The following KCNH8 variants were observed in gnomAD, a reference collection of about 807,000 sequenced individuals.
KCNH8 encodes the protein voltage-gated delayed rectifier potassium channel KCNH8.
A neutral mutation model predicts 103.6 loss-of-function variants in KCNH8; 70 were observed. That is an observed-to-expected ratio of 0.68 (90% CI 0.56 to 0.82). The LOEUF (loss-of-function observed/expected upper bound fraction) is 0.82, where lower values mean the gene tolerates loss of function less well. Among genes scored for constraint, KCNH8 ranks in the 40% least tolerant of loss-of-function variants. The pLI, the probability that KCNH8 is intolerant of heterozygous loss-of-function variation, is 0.00. For missense variants in KCNH8, 1,217 were observed against 1,329.9 expected (o/e 0.92, Z 1.32); for synonymous variants, 498 against 489.4 (o/e 1.02, Z -0.23).
intron 3 of KCNH8, among the ~76,000 whole-genome samples, chr3:19,317,579 A>T (rs553439219): frequency 1.3e-5 from 2 of 151,780 alleles, no homozygotes; most frequent in African/African-American, 4.8e-5. Context: ...GAGTATAACT[A>T]TAAGAATAGA....
At chr3:19,170,789 C>CACAT (rs1372730210) in intron 1 of KCNH8, among the ~76,000 whole-genome samples, 16 of 108,010 alleles carry the variant, frequency 1.5e-4, no homozygotes, top group East Asian at 9.3e-4. Context: ...CACACACACA[C>CACAT]ATATATATAT....
At chr3:19,356,324 C>G (rs1314239802) in intron 5 of KCNH8, among the ~76,000 whole-genome samples, 2 of 151,878 alleles carry the variant, frequency 1.3e-5, no homozygotes, top group Non-Finnish European at 2.9e-5. Flanking sequence ...CCTCAGAACT[C>G]ATTCTTCCCC....
intron 11 of KCNH8, among the ~76,000 whole-genome samples, chr3:19,504,368 A>C (rs1362750051): frequency 6.6e-6 from 1 of 152,238 alleles, no homozygotes; most frequent in Non-Finnish European, 1.5e-5. Context: ...AAGCTTCTGC[A>C]CAACAAAAGA....
At chr3:19,491,463 T>C (rs1292509142) in intron 11 of KCNH8, among the ~76,000 whole-genome samples, 1 of 152,238 alleles carries the variant, frequency 6.6e-6, no homozygotes, top group Non-Finnish European at 1.5e-5. Context: ...TTGCTGAGGA[T>C]TCTTGCCTCC....
chr3:19,484,083 A>G (rs140543887), intron 11 of KCNH8, among the ~76,000 whole-genome samples: 7,632 of 152,172 alleles, frequency 0.05, 555 homozygotes, highest in African/African-American at 0.16. Flanking sequence ...AAATTTCAAG[A>G]TTATGCATTT....
At chr3:19,326,899 A>G (rs1257802806) in intron 3 of KCNH8, among the ~76,000 whole-genome samples, 1 of 152,200 alleles carries the variant, frequency 6.6e-6, no homozygotes, top group Admixed American at 6.6e-5. Flanking sequence ...TGTAGCTGCT[A>G]TCAGCTTGGA....
intron 3 of KCNH8, among the ~76,000 whole-genome samples, chr3:19,310,431 A>G (rs912622277): frequency 6.6e-6 from 1 of 151,910 alleles, no homozygotes; most frequent in Admixed American, 6.6e-5. Context: ...AATCCTATCC[A>G]GGGACAGATA....
chr3:19,308,595 A>T (rs1463883551), intron 3 of KCNH8, among the ~76,000 whole-genome samples: 6 of 149,462 alleles, frequency 4.0e-5, no homozygotes, highest in South Asian at 2.1e-4. Context: ...AAGTTACCAA[A>T]TTTTTTTTTA....
intron 7 of KCNH8, among the ~76,000 whole-genome samples, chr3:19,421,426 T>G (rs1299062583): frequency 6.6e-6 from 1 of 152,162 alleles, no homozygotes; most frequent in Non-Finnish European, 1.5e-5. Context: ...GATAGCAACC[T>G]GTATGACTGT....
chr3:19,157,763 G>A (rs2063194956), intron 1 of KCNH8, among the ~76,000 whole-genome samples: 2 of 151,746 alleles, frequency 1.3e-5, no homozygotes, highest in South Asian at 4.1e-4. Flanking sequence ...GCTTTGTTGA[G>A]CATTACTTGT....
At chr3:19,182,529 C>T (rs768675456) in intron 1 of KCNH8, among the ~76,000 whole-genome samples, 2 of 152,008 alleles carry the variant, frequency 1.3e-5, no homozygotes, top group Non-Finnish European at 2.9e-5. Context: ...AGACTCCGTC[C>T]CCCCAAGAAA....
intron 1 of KCNH8, among the ~76,000 whole-genome samples, chr3:19,154,177 A>G (rs1274829863): frequency 2.0e-5 from 3 of 152,142 alleles, no homozygotes; most frequent in African/African-American, 7.2e-5. Flanking sequence ...CATATAATAA[A>G]TAACTTTGGG....
chr3:19,385,052 G>T (rs1330330935), intron 5 of KCNH8, among the ~76,000 whole-genome samples: 1 of 152,096 alleles, frequency 6.6e-6, no homozygotes, highest in African/African-American at 2.4e-5. Context: ...TGAAAGAAAT[G>T]AAGATATTCA....
chr3:19,263,048 A>T (rs974505589), intron 2 of KCNH8, among the ~76,000 whole-genome samples: 1 of 152,064 alleles, frequency 6.6e-6, no homozygotes, highest in African/African-American at 2.4e-5. Flanking sequence ...TTAGGCTTAT[A>T]TAAATGGTAG....
intron 3 of KCNH8, among the ~76,000 whole-genome samples, chr3:19,327,151 T>C (rs951366729): frequency 2.0e-5 from 3 of 152,182 alleles, no homozygotes; most frequent in Non-Finnish European, 4.4e-5. Context: ...CACACAGTCT[T>C]TTCTGCCATA....
At chr3:19,520,371 G>C (rs1027120839) in intron 15 of KCNH8, among the ~76,000 whole-genome samples, 14 of 151,936 alleles carry the variant, frequency 9.2e-5, no homozygotes, top group African/African-American at 3.4e-4. Context: ...CTTCGTCGAA[G>C]ATTAAGTAGA....
intron 1 of KCNH8, among the ~76,000 whole-genome samples, chr3:19,173,083 C>T (rs1394023163): frequency 6.6e-6 from 1 of 151,968 alleles, no homozygotes; most frequent in African/African-American, 2.4e-5. Context: ...ATCAGAATTG[C>T]CTAATAAGTT....
intron 4 of KCNH8, 122 bp from the exon 5 acceptor site, chr3:19,347,603 C>A: frequency 8.5e-7 from 1 of 1,181,730 alleles, no homozygotes; most frequent in South Asian, 1.5e-5. Context: ...TTAAAAGTCA[C>A]TTGTAAGATA....
rs535160885 is a variant in KCNH8 at position 19,498,583 on chromosome 3, CAA to C, written c.2041-11778_2041-11777del. 5.9e-5 allele frequency among the ~76,000 whole-genome samples: 9 copies of C among 152,314 alleles called. No homozygotes were observed. In the East Asian group the frequency reaches 1.7e-3, roughly 29 times the overall value. On this transcript the variant is annotated intron_variant, in intron 11 of 15. Transcript: ENST00000328405. ...CTGAAGCCTTCTTCTCTCAACTCGT[CAA>C]AGTCATTCTCCATCCAGCTTTCTTC...
Sources: gnomAD v4.1 joint callset for allele counts (sites outside exome capture counted in the v4.1 genomes callset) on GRCh38, gnomAD v4.1.1 for gene constraint, MANE v1.5 for transcripts, NCBI Gene and HGNC (gene_info 2026-07-23, HGNC 2026-07-21) for gene names.